Variants in CTNND2 observed in about 807,000 individuals in gnomAD.
The protein encoded by CTNND2 is catenin delta 2.
Under a neutral mutation model 144.4 loss-of-function variants are expected in CTNND2, and 22 were observed. The ratio of observed to expected loss-of-function variants is 0.15; its 90% confidence interval spans 0.11 to 0.22. The LOEUF is 0.22. CTNND2 is among the 10% of genes least tolerant of loss of function. The pLI is 1.00. For synonymous variants in CTNND2, 751 were observed against 695.6 expected (o/e 1.08, Z -1.25); for missense variants, 1,353 against 1,618.8 (o/e 0.84, Z 2.82).
chr5:11,716,668 C>T (rs889123130), intron 2 of CTNND2, among the ~76,000 whole-genome samples: 1 of 150,940 alleles, frequency 6.6e-6, no homozygotes, highest in Non-Finnish European at 1.5e-5. Flanking sequence ...TTTTTATTTA[C>T]TTATTTGTTT....
At chr5:11,847,769 A>T (rs1450538358) in intron 1 of CTNND2, among the ~76,000 whole-genome samples, 1 of 151,922 alleles carries the variant, frequency 6.6e-6, no homozygotes, top group Non-Finnish European at 1.5e-5. Context: ...GTCAATTATA[A>T]ATTTTAAAAA....
At chr5:11,830,483 T>C (rs1209303521) in intron 1 of CTNND2, among the ~76,000 whole-genome samples, 1 of 152,214 alleles carries the variant, frequency 6.6e-6, no homozygotes, top group Non-Finnish European at 1.5e-5. Flanking sequence ...GGATTTTCCC[T>C]GTACAACCTC....
chr5:11,656,064 T>C (rs1782898720), intron 2 of CTNND2, among the ~76,000 whole-genome samples: 1 of 152,088 alleles, frequency 6.6e-6, no homozygotes, highest in Non-Finnish European at 1.5e-5. Flanking sequence ...TCCAAATCTG[T>C]TTCAGGATTT....
intron 2 of CTNND2, among the ~76,000 whole-genome samples, chr5:11,578,175 G>C (rs369079349): frequency 2.6e-5 from 4 of 152,102 alleles, no homozygotes; most frequent in African/African-American, 4.8e-5. Flanking sequence ...CACATCCACT[G>C]TTGATTGAGG....
At position 11,857,045 on chromosome 5, in the gene CTNND2, G is replaced by C. The variant is rs143436667; in HGVS notation, c.37+46772C>G. On this transcript the variant is annotated intron_variant, in intron 1 of 21. Transcript: ENST00000304623. ...AGACCATGCATTTAAAAAATTTCAC[G>C]TACTTCACATTAAATATTTGAACTT... 5.3e-5 allele frequency among the ~76,000 whole-genome samples: 8 copies of C among 152,192 alleles called. No individual in the cohort carries two copies. In the East Asian group the frequency reaches 1.5e-3, roughly 29 times the overall value.
rs906036277 is a variant in CTNND2 at position 11,089,105 on chromosome 5, A to G, written c.2638-6259T>C. 3.9e-5 allele frequency among the ~76,000 whole-genome samples: 6 copies of G among 152,246 alleles called. No homozygotes were observed. In the East Asian group the frequency reaches 9.6e-4, roughly 24 times the overall value. On this transcript the variant is annotated intron_variant, in intron 15 of 21. Coordinates refer to ENST00000304623, the MANE Select transcript of CTNND2 (RefSeq NM_001332.4). ...CAGTCCTCTAAGTCACACATTGAAG[A>G]TGGCAGAACAGCTATCAGCCTGGGT...
chr5:11,443,720 T>A (rs1466840140), intron 3 of CTNND2, among the ~76,000 whole-genome samples: 1 of 107,620 alleles, frequency 9.3e-6, no homozygotes, highest in Non-Finnish European at 1.7e-5. Context: ...AGAAGAAATA[T>A]TTTTTTCACT....
chr5:11,359,899 T>C (rs1411072971), intron 8 of CTNND2, among the ~76,000 whole-genome samples: 1 of 152,108 alleles, frequency 6.6e-6, no homozygotes, highest in African/African-American at 2.4e-5. Context: ...AATAGTGAAA[T>C]TTGTTTCTGT....
At chr5:10,985,181 G>A (rs961720988) in intron 20 of CTNND2, among the ~76,000 whole-genome samples, 2 of 152,220 alleles carry the variant, frequency 1.3e-5, no homozygotes, top group Admixed American at 6.5e-5. Context: ...GGGTATGTGG[G>A]AAGTTCAGAT....
chr5:11,208,501 A>C (rs1228637123), intron 10 of CTNND2, among the ~76,000 whole-genome samples: 1 of 152,142 alleles, frequency 6.6e-6, no homozygotes, highest in Non-Finnish European at 1.5e-5. Flanking sequence ...GAAGAAAAAA[A>C]CTCCAGAAAA....
chr5:11,392,367 T>C (rs1019266587), intron 6 of CTNND2, among the ~76,000 whole-genome samples: 1 of 152,196 alleles, frequency 6.6e-6, no homozygotes, highest in Admixed American at 6.5e-5. Context: ...GATGTAAGTA[T>C]CTTATAGATT....
intron 9 of CTNND2, among the ~76,000 whole-genome samples, chr5:11,319,633 G>A (rs1382954473): frequency 6.6e-6 from 1 of 152,106 alleles, no homozygotes; most frequent in Non-Finnish European, 1.5e-5. Context: ...CGATCCTCCT[G>A]CCTTAGCCTC....
Position 10,973,379 on chromosome 5 carries a change from AAAAC to A in CTNND2, c.*70_*73del, listed in dbSNP as rs1358112318. On this transcript the variant is annotated 3_prime_UTR_variant, in exon 22 of 22. Transcript: ENST00000304623. This position sits in a 1 kb window ranked among gnomAD's most constrained non-coding sequence, Gnocchi z 5.6. ...TAACAAACTAAATTTGCAGGAGAAA[AAAAC>A]AAAACAGAAAGAAATGTCTTGTGGT... is the stretch of plus-strand genomic sequence containing the variant. 8.3e-6 allele frequency: 12 copies of A among 1,437,948 alleles called. No homozygotes were observed. In the Admixed American group the frequency reaches 2.4e-4, roughly 29 times the overall value. The allele number at this position is 1,437,948 out of a possible 1,614,324, so 89.1% of individuals were successfully genotyped here.
At chr5:11,247,891 C>T (rs1047191604) in intron 9 of CTNND2, among the ~76,000 whole-genome samples, 1 of 152,042 alleles carries the variant, frequency 6.6e-6, no homozygotes, top group African/African-American at 2.4e-5. Flanking sequence ...TTCATTAATG[C>T]AACTAGACTT....
chr5:11,258,135 G>C, intron 9 of CTNND2, among the ~76,000 whole-genome samples: 1 of 152,158 alleles, frequency 6.6e-6, no homozygotes, highest in Non-Finnish European at 1.5e-5. Context: ...TCGTACCTTA[G>C]GCTGAATGGA....
At chr5:11,412,782 G>T (rs6885296) in intron 3 of CTNND2, among the ~76,000 whole-genome samples, 29,119 of 152,010 alleles carry the variant, frequency 0.19, 5,876 homozygotes, top group African/African-American at 0.51. Context: ...ACTTCCTACA[G>T]GCCCCTTTTT....
chr5:11,168,694 T>C (rs1759596136), intron 11 of CTNND2, among the ~76,000 whole-genome samples: 1 of 152,228 alleles, frequency 6.6e-6, no homozygotes, highest in African/African-American at 2.4e-5. Context: ...CATATTCTTC[T>C]ATGTGTAAAA....
intron 11 of CTNND2, among the ~76,000 whole-genome samples, chr5:11,192,094 C>A (rs1183251345): frequency 1.3e-5 from 2 of 152,224 alleles, no homozygotes; most frequent in African/African-American, 4.8e-5. Context: ...TGGAGACAGG[C>A]GCTGCCTCTG....
At chr5:11,552,737 A>C (rs1775873307) in intron 3 of CTNND2, among the ~76,000 whole-genome samples, 1 of 152,188 alleles carries the variant, frequency 6.6e-6, no homozygotes, top group Non-Finnish European at 1.5e-5. Context: ...ACTTGGAATC[A>C]TGTTCATGGT....
Sources: gnomAD v4.1 joint callset for allele counts (sites outside exome capture counted in the v4.1 genomes callset) on GRCh38, gnomAD v4.1.1 for gene constraint, Gnocchi (gnomAD v3.1) non-coding constraint, MANE v1.5 for transcripts, NCBI Gene and HGNC (gene_info 2026-07-23, HGNC 2026-07-21) for gene names.